The following ZBED4 variants were observed in gnomAD, a reference collection of about 807,000 sequenced individuals.
ZBED4 encodes the protein zinc finger BED-type containing 4, also known as zinc finger BED domain-containing protein 4.
Under a neutral mutation model 15.5 loss-of-function variants are expected in ZBED4, and 4 were observed. The ratio of observed to expected loss-of-function variants is 0.26; its 90% CI spans 0.13 to 0.59. ZBED4 has a LOEUF of 0.59. ZBED4 is among the 20% of genes least tolerant of loss of function. The probability of loss-of-function intolerance (pLI) is 0.90; values close to 1 mark genes in which losing one functional copy is unlikely to be tolerated. For synonymous variants in ZBED4, 692 were observed against 608.5 expected (o/e 1.14, Z -2.02); for missense variants, 1,323 against 1,461.8 (o/e 0.91, Z 1.55).
At chr22:49,880,171 A>T (rs559838812) in intron 1 of ZBED4, among the ~76,000 whole-genome samples, 1 of 152,226 alleles carries the variant, frequency 6.6e-6, no homozygotes, top group South Asian at 2.1e-4. Context: ...ACACGGCTTA[A>T]AAGAGCGGCC....
rs1359869052 is a variant in ZBED4, at chr22:49,887,939, GA to G, written c.*762del. On this transcript the variant is annotated 3_prime_UTR_variant, in exon 2 of 2. Coordinates refer to ENST00000216268, the MANE Select transcript of ZBED4 (RefSeq NM_014838.3). ...TCGCCAGTGCGTTCAATGACACGCT[GA>G]TGGCAGGTGGTCCCTGCTGAAACCC... is the stretch of plus-strand genomic sequence containing the variant. The G allele has an allele frequency of 2.2e-4, 36 of 167,268 alleles. No individual in the cohort carries two copies. The highest frequency in any genetic ancestry group is 8.4e-4 in the African/African-American group (35 of 41,478). 10.4% of individuals were successfully genotyped at this position (167,268 alleles called of 1,614,324 possible). A position where few individuals can be genotyped will look rare whatever the true frequency, so the allele number is the denominator to read the frequency against.
Position 49,886,944 on chromosome 22 carries a change from T to C in ZBED4, c.3282T>C (p.Leu1094=). 1.9e-6 allele frequency: 3 copies of C among 1,614,048 alleles called. No homozygotes were observed. The highest frequency in any genetic ancestry group is 2.5e-6 in the Non-Finnish European group (3 of 1,180,012). The change falls in exon 2 of 2, where the codon CTT becomes CTC. Residue 1094 remains leucine, a synonymous_variant. Coordinates refer to ENST00000216268, the MANE Select transcript of ZBED4 (RefSeq NM_014838.3). This position sits in a 1 kb window ranked among gnomAD's most constrained non-coding sequence, Gnocchi z 7.7. The part of the protein sequence containing the change: ...MVLAYLEEEV[L]EHSCDPLTYW... ...TTGCGTATCTGGAGGAGGAGGTGCT[T>C]GAACACAGCTGTGACCCGCTCACCT...
At chr22:49,882,406 C>G (rs1286499362) in intron 1 of ZBED4, among the ~76,000 whole-genome samples, 3 of 152,216 alleles carry the variant, frequency 2.0e-5, no homozygotes, top group Non-Finnish European at 2.9e-5. Context: ...GACAGTAAAA[C>G]TCCGTCTCTT....
At chr22:49,871,356 C>T (rs1010520484) in intron 1 of ZBED4, among the ~76,000 whole-genome samples, 3 of 151,982 alleles carry the variant, frequency 2.0e-5, no homozygotes, top group South Asian at 2.1e-4. Flanking sequence ...TGTGGTGGCA[C>T]GCACCTGTAA....
chr22:49,864,944 C>CT (rs1555922771), intron 1 of ZBED4, among the ~76,000 whole-genome samples: 1 of 85,940 alleles, frequency 1.2e-5, no homozygotes, highest in East Asian at 4.2e-4. Flanking sequence ...CAAGCCCCCC[C>CT]CCCCCCCCGT....
chr22:49,888,437 A>G lies in ZBED4; in HGVS notation c.*1259A>G, dbSNP rs1239889473. The stretch of plus-strand genomic sequence containing the variant: ...TTCTGAAATTAAACTTCTTATTTGC[A>G]ATTTTCTAGTGCTGGCAGACACTGG... On this transcript the variant is annotated 3_prime_UTR_variant, in exon 2 of 2. Coordinates refer to ENST00000216268, the MANE Select transcript of ZBED4 (RefSeq NM_014838.3). The G allele has an allele frequency of 6.0e-6, 1 of 167,234 alleles. No homozygotes were observed. The highest frequency in any genetic ancestry group is 2.4e-5 in the African/African-American group (1 of 41,458). The allele number at this position is 167,234 out of a possible 1,614,324, so 10.4% of individuals were successfully genotyped here. A position where few individuals can be genotyped will look rare whatever the true frequency, so the allele number is the denominator to read the frequency against.
Position 49,864,950 on chromosome 22 carries a change from C to G in ZBED4, c.-330+10961C>G, listed in dbSNP as rs28730924. ...CTATCCCAGCAAGCCCCCCCCCCCC[C>G]CCGTGAAGTCAGAAACCACGGAGTC... On this transcript the variant is annotated intron_variant, in intron 1 of 1. Transcript: ENST00000216268. 7.1e-3 allele frequency among the ~76,000 whole-genome samples: 529 copies of G among 74,668 alleles called. 88 individuals carry two copies. Among genetic ancestry groups the G allele is most frequent in the African/African-American group, 0.049 (284 of 5,838 alleles). The allele number at this position is 74,668 out of a possible 152,430, so 49.0% of individuals were successfully genotyped here. A position where few individuals can be genotyped will look rare whatever the true frequency, so the allele number is the denominator to read the frequency against.
At chr22:49,868,823 G>A (rs1347730631) in intron 1 of ZBED4, among the ~76,000 whole-genome samples, 2 of 151,826 alleles carry the variant, frequency 1.3e-5, no homozygotes, top group Admixed American at 6.6e-5. Context: ...GAAACGTCAC[G>A]GATGCAGGCC....
Position 49,865,267 on chromosome 22 carries a change from G to C in ZBED4, c.-330+11278G>C, listed in dbSNP as rs770616707. 3.1e-3 allele frequency among the ~76,000 whole-genome samples: 465 copies of C among 152,176 alleles called. 4 individuals are homozygous for C. The highest frequency in any genetic ancestry group is 4.5e-3 in the Non-Finnish European group (306 of 68,010). ...AACAGAAAAGGCACAGTAAACAGATGGTGTCGTTATCTTATGTAGCCACTG... is the reference window on the plus strand; with the variant it reads ...AACAGAAAAGGCACAGTAAACAGATCGTGTCGTTATCTTATGTAGCCACTG... On this transcript the variant is annotated intron_variant, in intron 1 of 1. Transcript: ENST00000216268.
intron 1 of ZBED4, among the ~76,000 whole-genome samples, chr22:49,878,971 C>T (rs1057307358): frequency 8.6e-5 from 13 of 151,630 alleles, no homozygotes; most frequent in South Asian, 6.3e-4. Context: ...GGTGAAACCC[C>T]GTCTCTACTA....
chr22:49,886,654 C>T lies in ZBED4; in HGVS notation c.2992C>T (p.His998Tyr), dbSNP rs1259353034. Residue 998 changes from histidine to tyrosine, a missense_variant, in exon 2 of 2, where the codon CAC becomes TAC. Around this residue, in one of 6 missense-constraint regions of ZBED4, gnomAD observed 312 missense variants for 410.7 expected, o/e 0.76. Coordinates refer to ENST00000216268, the MANE Select transcript of ZBED4 (RefSeq NM_014838.3). This position sits in a 1 kb window ranked among gnomAD's most constrained non-coding sequence, Gnocchi z 7.7. Reference sequence around the variant, plus strand: ...GGTGAGCCGCCTGTCTGCCACCCTCCACGACCCGCGGTACGTCTTCGCCAC... The same window carrying T: ...GGTGAGCCGCCTGTCTGCCACCCTCTACGACCCGCGGTACGTCTTCGCCAC... ...AMVSRLSATL[H>Y]DPRYVFATLL... is the part of the protein sequence containing the mutation. 5 of 1,603,246 alleles carry T rather than the reference C, an allele frequency of 3.1e-6. No homozygotes were observed. The Admixed American group carries it at 6.9e-5, about 22-fold the overall frequency.
Position 49,884,878 on chromosome 22 carries a change from G to C in ZBED4, c.1216G>C (p.Gly406Arg). 6.2e-7 allele frequency: 1 copy of C among 1,605,832 alleles called. No individual in the cohort carries two copies. Among genetic ancestry groups the C allele is most frequent in the Non-Finnish European group, 8.5e-7 (1 of 1,174,104 alleles). ...DLQSHLNPGD[G>R]LMEDVAAFSS... ...GCAGTCTCACTTGAACCCTGGAGAT[G>C]GGCTGATGGAAGACGTGGCGGCCTT... is the stretch of plus-strand genomic sequence containing the variant. Residue 406 changes from glycine to arginine, a missense_variant, in exon 2 of 2, where the codon GGG becomes CGG. Gly to Arg is a moderately radical substitution (Grantham distance 125). Around this residue, in one of 6 missense-constraint regions of ZBED4, gnomAD observed 429 missense variants for 397.9 expected, o/e 1.08. Coordinates refer to ENST00000216268, the MANE Select transcript of ZBED4 (RefSeq NM_014838.3).
chr22:49,873,636 T>C (rs2060359781), intron 1 of ZBED4, among the ~76,000 whole-genome samples: 1 of 130,706 alleles, frequency 7.7e-6, no homozygotes, highest in Admixed American at 6.7e-5. Context: ...AAACCTCCAA[T>C]TTGGGGGAAA....
Position 49,885,611 on chromosome 22 carries a change from A to T in ZBED4, c.1949A>T (p.Asp650Val). 6.2e-7 allele frequency: 1 copy of T among 1,610,910 alleles called. No homozygotes were observed. Among genetic ancestry groups the T allele is most frequent in the South Asian group, 1.1e-5 (1 of 91,004 alleles). Residue 650 changes from aspartate to valine, a missense_variant, in exon 2 of 2, where the codon GAT (aspartate) becomes GTT (valine). Asp to Val is a radical substitution (Grantham distance 152). This residue lies in a region of ZBED4 where 89 missense variants were observed against 129.8 expected (regional missense o/e 0.69). Transcript: ENST00000216268. ...GATGACACCAATGAGAAGTTTTACG[A>T]TTCTCACCCAGTTGCCAAAAAAATC... ...SFDDTNEKFY[D>V]SHPVAKKITS...
At chr22:49,859,500 C>T (rs1019434699) in intron 1 of ZBED4, among the ~76,000 whole-genome samples, 1 of 152,112 alleles carries the variant, frequency 6.6e-6, no homozygotes, top group African/African-American at 2.4e-5. Context: ...GTCCCAGGCT[C>T]ACGGTGATGT....
upstream of ZBED4, among the ~76,000 whole-genome samples, chr22:49,853,524 G>A (rs936760129): frequency 6.6e-6 from 1 of 152,182 alleles, no homozygotes; most frequent in African/African-American, 2.4e-5. Flanking sequence ...GCCAAGCCAC[G>A]GGACGAAACC....
At chr22:49,879,273 C>T (rs992525519) in intron 1 of ZBED4, among the ~76,000 whole-genome samples, 16 of 151,192 alleles carry the variant, frequency 1.1e-4, no homozygotes, top group South Asian at 4.2e-4. Flanking sequence ...TACAGGCACG[C>T]GCCACCACGC....
intron 1 of ZBED4, among the ~76,000 whole-genome samples, chr22:49,860,958 T>A (rs1440319761): frequency 6.7e-6 from 1 of 150,044 alleles, no homozygotes; most frequent in Non-Finnish European, 1.5e-5. Flanking sequence ...TTTTGTACTT[T>A]AGTAGAGATG....
chr22:49,860,578 G>T (rs967360192), intron 1 of ZBED4, among the ~76,000 whole-genome samples: 5 of 151,790 alleles, frequency 3.3e-5, no homozygotes, highest in African/African-American at 1.2e-4. Flanking sequence ...AAATACTCTT[G>T]TTTTATTTTT....
Sources: allele counts gnomAD v4.1 joint callset (sites outside exome capture counted in the v4.1 genomes callset), GRCh38; gene constraint gnomAD v4.1.1; regional missense constraint gnomAD v4.1.1; non-coding constraint Gnocchi (gnomAD v3.1); transcripts MANE v1.5; gene names NCBI Gene and HGNC (gene_info 2026-07-23, HGNC 2026-07-21).